The following SCHIP1 variants were observed in gnomAD, a reference collection of about 807,000 sequenced individuals.
The protein encoded by SCHIP1 is schwannomin-interacting protein 1.
In SCHIP1, 8 loss-of-function variants were observed where a neutral mutation model predicts 29.7. That is an observed-to-expected ratio of 0.27 (90% CI 0.16 to 0.49). SCHIP1 has a LOEUF of 0.49. SCHIP1 is among the 20% of genes least tolerant of loss of function. The probability of loss-of-function intolerance (pLI) is 0.99; values close to 1 mark genes in which losing one functional copy is unlikely to be tolerated. For missense variants in SCHIP1, 193 were observed against 294.6 expected (o/e 0.66, Z 2.52); for synonymous variants, 76 against 94.9 (o/e 0.80, Z 1.16).
chr3:159,888,036 G>A, intron 4 of SCHIP1, 131 bp downstream of exon 5: 3 of 1,227,804 alleles, frequency 2.4e-6, no homozygotes, highest in Non-Finnish European at 3.4e-6. Context: ...CTGTCATTGA[G>A]AAATGATTAA....
At chr3:159,444,059 G>GAGAGCAACT in the SCHIP1 span, among the ~76,000 whole-genome samples, 1 of 152,100 alleles carries the variant, frequency 6.6e-6, no homozygotes, top group African/African-American at 2.4e-5. Flanking sequence ...ACAAGAATCT[G>GAGAGCAACT]AGAGCAACTA....
the SCHIP1 span, among the ~76,000 whole-genome samples, chr3:159,611,301 C>T: frequency 1.3e-5 from 2 of 152,096 alleles, no homozygotes; most frequent in African/African-American, 4.8e-5. Flanking sequence ...AGGACACACT[C>T]ATGGTGCAGC....
chr3:159,698,029 A>G, the SCHIP1 span, among the ~76,000 whole-genome samples: 1 of 152,244 alleles, frequency 6.6e-6, no homozygotes, highest in Non-Finnish European at 1.5e-5. Context: ...CACCACACAC[A>G]TCTGCTTTCA....
chr3:159,509,895 T>G, the SCHIP1 span, among the ~76,000 whole-genome samples: 1 of 152,214 alleles, frequency 6.6e-6, no homozygotes. Flanking sequence ...CTGGCTGCCC[T>G]TAACATTTTT....
chr3:159,666,292 T>C, the SCHIP1 span, among the ~76,000 whole-genome samples: 1 of 152,216 alleles, frequency 6.6e-6, no homozygotes, highest in Non-Finnish European at 1.5e-5. Context: ...CTGCCAACAC[T>C]GACGCTTTGC....
chr3:159,498,801 A>G, the SCHIP1 span, among the ~76,000 whole-genome samples: 3 of 152,226 alleles, frequency 2.0e-5, no homozygotes, highest in Non-Finnish European at 2.9e-5. Context: ...AACATATGCC[A>G]TATTTCTTTG....
At chr3:159,512,687 T>C in the SCHIP1 span, among the ~76,000 whole-genome samples, 4 of 152,240 alleles carry the variant, frequency 2.6e-5, no homozygotes, top group African/African-American at 9.6e-5. Flanking sequence ...CAAGCATTTA[T>C]CATTTGAGTG....
At chr3:159,351,570 T>C in the SCHIP1 span, among the ~76,000 whole-genome samples, 1 of 152,068 alleles carries the variant, frequency 6.6e-6, no homozygotes, top group East Asian at 1.9e-4. Context: ...ATTTAAAATT[T>C]TTATCTTATT....
At chr3:159,895,494 G>T (rs537108493) in intron 6 of SCHIP1, among the ~76,000 whole-genome samples, 4 of 152,014 alleles carry the variant, frequency 2.6e-5, no homozygotes, top group East Asian at 3.9e-4. Context: ...TCCTAAAATC[G>T]TCCTTTAAAA....
At chr3:159,297,325 T>C in the SCHIP1 span, among the ~76,000 whole-genome samples, 1 of 152,176 alleles carries the variant, frequency 6.6e-6, no homozygotes, top group Non-Finnish European at 1.5e-5. Flanking sequence ...AGAAGTGGGA[T>C]TGATGGGTCA....
At chr3:159,489,541 TAAG>T in the SCHIP1 span, among the ~76,000 whole-genome samples, 1 of 152,204 alleles carries the variant, frequency 6.6e-6, no homozygotes, top group African/African-American at 2.4e-5. Context: ...GTCAATATTT[TAAG>T]TATGTATGCT....
chr3:159,331,249 C>T, the SCHIP1 span, among the ~76,000 whole-genome samples: 2 of 152,156 alleles, frequency 1.3e-5, no homozygotes, highest in Non-Finnish European at 2.9e-5. Flanking sequence ...AATTAACCTC[C>T]CCCAGAGGGA....
chr3:159,449,369 T>C, the SCHIP1 span, among the ~76,000 whole-genome samples: 1 of 152,124 alleles, frequency 6.6e-6, no homozygotes. Context: ...TGACAAGGAA[T>C]AGCGTATTTT....
the SCHIP1 span, among the ~76,000 whole-genome samples, chr3:159,424,374 C>G: frequency 9.2e-5 from 14 of 152,142 alleles, no homozygotes; most frequent in African/African-American, 3.1e-4. Context: ...AGCCAAGGCT[C>G]GAGAACTATG....
chr3:159,561,612 A>G, the SCHIP1 span, among the ~76,000 whole-genome samples: 1 of 152,198 alleles, frequency 6.6e-6, no homozygotes, highest in African/African-American at 2.4e-5. Flanking sequence ...TTTGCTATTT[A>G]AAGAAATCTT....
chr3:159,439,060 C>A, the SCHIP1 span, among the ~76,000 whole-genome samples: 116 of 152,264 alleles, frequency 7.6e-4, 1 homozygote, highest in Middle Eastern at 0.01. Context: ...TTTGAAAAAT[C>A]ATTGCACTGT....
the SCHIP1 span, among the ~76,000 whole-genome samples, chr3:159,522,636 G>A: frequency 0.12 from 17,875 of 152,176 alleles, 1,067 homozygotes; most frequent in South Asian, 0.13. Context: ...TTTAGGAGGC[G>A]GAGGCGGGCA....
chr3:159,515,216 A>G, the SCHIP1 span, among the ~76,000 whole-genome samples: 1 of 152,032 alleles, frequency 6.6e-6, no homozygotes, highest in East Asian at 1.9e-4. Context: ...AAAAAAACTA[A>G]GACAGATCCA....
the SCHIP1 span, among the ~76,000 whole-genome samples, chr3:159,325,575 C>A: frequency 1.3e-5 from 2 of 152,096 alleles, no homozygotes; most frequent in Non-Finnish European, 2.9e-5. Context: ...GCCTCTCTAT[C>A]ATCTCCATCT....
Sources: gnomAD v4.1 joint callset for allele counts (sites outside exome capture counted in the v4.1 genomes callset) on GRCh38, gnomAD v4.1.1 for gene constraint, MANE v1.5 for transcripts, NCBI Gene and HGNC (gene_info 2026-07-23, HGNC 2026-07-21) for gene names.